Variants in DGKI observed in about 807,000 individuals in gnomAD.
DGKI encodes the protein diacylglycerol kinase iota.
A neutral mutation model predicts 147.5 loss-of-function variants in DGKI; 55 were observed. The observed-to-expected ratio is 0.37, with a 90% CI of 0.30 to 0.47. The LOEUF (loss-of-function observed/expected upper bound fraction) is 0.47. DGKI is among the 20% of genes least tolerant of loss of function. DGKI has a pLI of 1.00. For missense variants in DGKI, 1,007 were observed against 1,323.8 expected, an observed-to-expected ratio of 0.76 and a Z score of 3.71; for synonymous variants, 469 against 477.1, an observed-to-expected ratio of 0.98 and a Z score of 0.22.
intron 19 of DGKI, among the ~76,000 whole-genome samples, chr7:137,557,858 CT>C (rs1818279633): frequency 6.6e-6 from 1 of 152,164 alleles, no homozygotes; most frequent in South Asian, 2.1e-4. Flanking sequence ...GTGGCCACTT[CT>C]CCCAGGTTCC....
intron 1 of DGKI, among the ~76,000 whole-genome samples, chr7:137,802,205 A>C (rs1797234040): frequency 6.6e-6 from 1 of 152,142 alleles, no homozygotes. Context: ...CAAAGACATA[A>C]GGATAATATA....
intron 20 of DGKI, among the ~76,000 whole-genome samples, chr7:137,528,762 T>C (rs1817237640): frequency 1.3e-5 from 2 of 152,134 alleles, no homozygotes; most frequent in South Asian, 2.1e-4. Context: ...CTATTCTAAG[T>C]CTCTGCTTGA....
intron 8 of DGKI, among the ~76,000 whole-genome samples, chr7:137,611,524 G>T (rs1187448857): frequency 1.3e-5 from 2 of 152,144 alleles, no homozygotes; most frequent in Non-Finnish European, 1.5e-5. Context: ...TATACGTCTG[G>T]TATGGACTCT....
intron 1 of DGKI, among the ~76,000 whole-genome samples, chr7:137,807,490 A>G (rs1399681124): frequency 6.6e-6 from 1 of 152,228 alleles, no homozygotes; most frequent in East Asian, 1.9e-4. Context: ...ATTTTGTTCC[A>G]GCAGCTCACA....
At chr7:137,629,214 T>C (rs143208240) in intron 6 of DGKI, among the ~76,000 whole-genome samples, 302 of 151,792 alleles carry the variant, frequency 2.0e-3, no homozygotes, top group African/African-American at 7.1e-3. Flanking sequence ...AAATACTTCC[T>C]ATGATTTTTG....
chr7:137,541,227 C>A (rs1050845221), intron 20 of DGKI, among the ~76,000 whole-genome samples: 1 of 152,188 alleles, frequency 6.6e-6, no homozygotes, highest in Non-Finnish European at 1.5e-5. Context: ...TACACTGGAT[C>A]TGTGTGTCTG....
At chr7:137,411,571 CACAG>C (rs1226096398) in intron 29 of DGKI, among the ~76,000 whole-genome samples, 2 of 152,004 alleles carry the variant, frequency 1.3e-5, no homozygotes, top group African/African-American at 4.8e-5. Context: ...CACAAAATCA[CACAG>C]ACAGTGAATG....
chr7:137,750,964 C>T (rs563561840), intron 1 of DGKI, among the ~76,000 whole-genome samples: 1 of 152,248 alleles, frequency 6.6e-6, no homozygotes, highest in East Asian at 1.9e-4. Context: ...CTAGATCTCT[C>T]GGCCCCCGTC....
At chr7:137,713,074 G>A (rs1794265159) in intron 1 of DGKI, among the ~76,000 whole-genome samples, 1 of 152,182 alleles carries the variant, frequency 6.6e-6, no homozygotes, top group Non-Finnish European at 1.5e-5. Flanking sequence ...GTTGATATGG[G>A]ACCATCGTTC....
At chr7:137,472,016 T>C (rs916679356) in intron 23 of DGKI, among the ~76,000 whole-genome samples, 3 of 134,994 alleles carry the variant, frequency 2.2e-5, no homozygotes, top group Non-Finnish European at 3.1e-5. Context: ...CAGACATATA[T>C]ACATATATAT....
chr7:137,393,425 T>C (rs1226097175), intron 32 of DGKI, among the ~76,000 whole-genome samples: 1 of 152,172 alleles, frequency 6.6e-6, no homozygotes, highest in Non-Finnish European at 1.5e-5. Flanking sequence ...GAGTTGAGTG[T>C]AGGACCAGCC....
intron 21 of DGKI, among the ~76,000 whole-genome samples, chr7:137,520,573 A>C (rs1816927446): frequency 1.3e-5 from 2 of 152,122 alleles, no homozygotes; most frequent in Admixed American, 6.6e-5. Flanking sequence ...AAATGAGGGT[A>C]AAGTATGGAA....
chr7:137,738,492 A>G (rs889144800), intron 1 of DGKI, among the ~76,000 whole-genome samples: 21 of 152,162 alleles, frequency 1.4e-4, no homozygotes, highest in African/African-American at 4.8e-4. Context: ...TTACCTTTCA[A>G]TATAAAATGC....
chr7:137,593,642 G>T (rs1352857050), intron 12 of DGKI, among the ~76,000 whole-genome samples: 1 of 152,306 alleles, frequency 6.6e-6, no homozygotes, highest in East Asian at 1.9e-4. Context: ...AATTGGATGT[G>T]CTGTAAGTAT....
intron 19 of DGKI, among the ~76,000 whole-genome samples, chr7:137,555,404 T>C (rs1818190968): frequency 6.6e-6 from 1 of 151,846 alleles, no homozygotes; most frequent in Non-Finnish European, 1.5e-5. Flanking sequence ...TGCATGCCTG[T>C]AGTCCCAGCT....
intron 1 of DGKI, chr7:137,721,882 T>C: frequency 2.9e-6 from 2 of 699,852 alleles, no homozygotes; most frequent in Non-Finnish European, 4.6e-6. Context: ...TTGCCCAGAA[T>C]GCTAACTTCT....
rs1360582027 is a variant in DGKI at position 137,478,362 on chromosome 7, G to A, written c.2373+7012C>T. The stretch of plus-strand genomic sequence containing the variant: ...CCTACCATGACCACACAGATGAATG[G>A]GTTTCTTCCGTACGCAGGGTACAAA... On this transcript the variant is annotated intron_variant, in intron 23 of 32. Transcript: ENST00000614521. 6.6e-5 allele frequency among the ~76,000 whole-genome samples: 10 copies of A among 152,080 alleles called. No homozygotes were observed. In the South Asian group the frequency reaches 1.5e-3, roughly 22 times the overall value.
At chr7:137,442,874 A>G (rs1279937651) in intron 28 of DGKI, among the ~76,000 whole-genome samples, 1 of 152,248 alleles carries the variant, frequency 6.6e-6, no homozygotes, top group Non-Finnish European at 1.5e-5. Context: ...ATAAAGCATG[A>G]AATTTGCGCA....
At chr7:137,836,558 G>A (rs1232504262) in intron 1 of DGKI, among the ~76,000 whole-genome samples, 7 of 152,112 alleles carry the variant, frequency 4.6e-5, no homozygotes, top group Admixed American at 3.9e-4. Context: ...CCAATCCATG[G>A]TACCATCACC....
Sources: allele counts gnomAD v4.1 joint callset (sites outside exome capture counted in the v4.1 genomes callset), GRCh38; gene constraint gnomAD v4.1.1; transcripts MANE v1.5; gene names NCBI Gene and HGNC (gene_info 2026-07-23, HGNC 2026-07-21).